ATRNL1: variants seen among roughly 807,000 people sequenced by gnomAD.
The protein encoded by ATRNL1 is attractin-like protein 1.
In ATRNL1, 95 loss-of-function variants were observed where a neutral mutation model predicts 182.7. The ratio of observed to expected loss-of-function variants is 0.52; its 90% CI spans 0.44 to 0.62. ATRNL1 has a LOEUF of 0.62. ATRNL1 is among the 20% of genes least tolerant of loss of function. The pLI is 0.00. For synonymous variants in ATRNL1, 576 were observed against 568.3 expected (o/e 1.01, Z -0.19); for missense variants, 1,471 against 1,679.5 (o/e 0.88, Z 2.17).
intron 24 of ATRNL1, among the ~76,000 whole-genome samples, chr10:115,497,757 A>T (rs1048435924): frequency 2.0e-5 from 3 of 151,902 alleles, no homozygotes; most frequent in Admixed American, 6.6e-5. Flanking sequence ...TCCCTGGCTC[A>T]AGCAATTCTC....
At chr10:115,502,457 A>G (rs1382618159) in intron 24 of ATRNL1, among the ~76,000 whole-genome samples, 2 of 152,178 alleles carry the variant, frequency 1.3e-5, no homozygotes, top group African/African-American at 4.8e-5. Context: ...ATTTTTAAAA[A>G]GAGGCAAAAA....
chr10:115,572,541 GT>G (rs1854460487), intron 26 of ATRNL1, among the ~76,000 whole-genome samples: 1 of 152,134 alleles, frequency 6.6e-6, no homozygotes, highest in African/African-American at 2.4e-5. Context: ...AGACAAAAAT[GT>G]GAGGGAAGTT....
intron 17 of ATRNL1, among the ~76,000 whole-genome samples, chr10:115,308,673 A>C (rs1269851053): frequency 6.6e-6 from 1 of 152,154 alleles, no homozygotes; most frequent in Non-Finnish European, 1.5e-5. Context: ...ACAAGTCCTT[A>C]TACTACACAT....
intron 26 of ATRNL1, among the ~76,000 whole-genome samples, chr10:115,587,460 G>T (rs1199542364): frequency 2.6e-5 from 4 of 151,854 alleles, no homozygotes; most frequent in Non-Finnish European, 5.9e-5. Context: ...ATAATCTCGT[G>T]GTGTGCCGTT....
chr10:115,582,773 G>T (rs1362052369), intron 26 of ATRNL1, among the ~76,000 whole-genome samples: 1 of 149,414 alleles, frequency 6.7e-6, no homozygotes, highest in Non-Finnish European at 1.5e-5. Flanking sequence ...GTCAATTTTG[G>T]CTTTTGTTGC....
chr10:115,479,753 A>G (rs1848681409), intron 24 of ATRNL1, among the ~76,000 whole-genome samples: 1 of 151,408 alleles, frequency 6.6e-6, no homozygotes, highest in African/African-American at 2.4e-5. Context: ...CTTGTTCTTC[A>G]TGATTTATAA....
At chr10:115,422,382 A>C (rs1845688562) in intron 20 of ATRNL1, among the ~76,000 whole-genome samples, 1 of 152,242 alleles carries the variant, frequency 6.6e-6, no homozygotes, top group Non-Finnish European at 1.5e-5. Flanking sequence ...AGCAAAGTAC[A>C]TGAACACACA....
intron 26 of ATRNL1, among the ~76,000 whole-genome samples, chr10:115,721,486 G>A (rs1360181189): frequency 1.3e-5 from 2 of 152,100 alleles, no homozygotes; most frequent in African/African-American, 4.8e-5. Context: ...AATTCCATAT[G>A]GCTGGGGAGG....
intron 26 of ATRNL1, among the ~76,000 whole-genome samples, chr10:115,585,336 A>C (rs199902614): frequency 0.34 from 31,336 of 92,638 alleles, 5,525 homozygotes; most frequent in African/African-American, 0.48. Context: ...TCTTTCTAAT[A>C]TTGACAGTGG....
Position 115,160,052 on chromosome 10 carries a change from C to T in ATRNL1, c.842C>T (p.Ser281Phe). 1.9e-6 allele frequency: 3 copies of T among 1,600,584 alleles called. No individual in the cohort carries two copies. The highest frequency in any genetic ancestry group is 1.4e-5 in the African/African-American group (1 of 73,884). The change falls in exon 6 of 29, where the codon TCT becomes TTT. Residue 281 changes from serine to phenylalanine, a missense_variant. Coordinates refer to ENST00000355044, the MANE Select transcript of ATRNL1 (RefSeq NM_207303.4). ...CNDSWQGPDC[S>F]LNVPSTESYW... ...TTTTTTTTAATAGGTCCTGATTGTTCTTTGAATGTTCCCTCTACTGAGTCT... is the reference window on the plus strand; with the variant it reads ...TTTTTTTTAATAGGTCCTGATTGTTTTTTGAATGTTCCCTCTACTGAGTCT...
rs533771884 is a variant in ATRNL1 at position 115,116,793 on chromosome 10, G to A, written c.294-3392G>A. Reference sequence around the variant, plus strand: ...TTGGCAAGGAGGAAACCTTTTTGTAGTAAGTGGAGGAAAAGGTGGGCTCTT... The same window carrying A: ...TTGGCAAGGAGGAAACCTTTTTGTAATAAGTGGAGGAAAAGGTGGGCTCTT... On this transcript the variant is annotated intron_variant, in intron 1 of 28. Coordinates refer to ENST00000355044, the MANE Select transcript of ATRNL1 (RefSeq NM_207303.4). Among the ~76,000 whole-genome samples the A allele has an allele frequency of 2.0e-5, 3 of 152,168 alleles. No individual in the cohort carries two copies. In the South Asian group the frequency reaches 6.2e-4, roughly 32 times the overall value.
At chr10:115,620,325 A>T (rs1466401885) in intron 26 of ATRNL1, among the ~76,000 whole-genome samples, 1 of 152,166 alleles carries the variant, frequency 6.6e-6, no homozygotes, top group Admixed American at 6.5e-5. Context: ...TCATGACCCA[A>T]GCACCTCTCA....
intron 19 of ATRNL1, among the ~76,000 whole-genome samples, chr10:115,359,620 T>C (rs1592516983): frequency 4.0e-5 from 6 of 151,682 alleles, no homozygotes; most frequent in Admixed American, 2.6e-4. Context: ...ATAACTCTTA[T>C]TGAGCAATAA....
At chr10:115,331,643 T>C (rs1855228394) in intron 18 of ATRNL1, among the ~76,000 whole-genome samples, 1 of 152,234 alleles carries the variant, frequency 6.6e-6, no homozygotes, top group Admixed American at 6.5e-5. Context: ...TACATGTGTC[T>C]CTGTATGTTT....
intron 19 of ATRNL1, among the ~76,000 whole-genome samples, chr10:115,366,621 C>G (rs1166139198): frequency 2.0e-5 from 3 of 149,416 alleles, no homozygotes; most frequent in Non-Finnish European, 4.5e-5. Flanking sequence ...TCTCGATGGT[C>G]TTTACATTTT....
intron 1 of ATRNL1, among the ~76,000 whole-genome samples, chr10:115,115,998 A>G (rs1554869849): frequency 1.3e-5 from 2 of 152,088 alleles, no homozygotes; most frequent in Non-Finnish European, 2.9e-5. Flanking sequence ...GACAAGGCAT[A>G]TGGATATGTG....
Position 115,094,051 on chromosome 10 carries a change from C to G in ATRNL1, c.293+8C>G. Reference sequence around the variant, plus strand: ...CTGCCAGGGCAGGTTCAAGTAAGTGCCTTCGCCGGACCCCGAACCTCCAGC... The same window carrying G: ...CTGCCAGGGCAGGTTCAAGTAAGTGGCTTCGCCGGACCCCGAACCTCCAGC... On this transcript the variant is annotated splice_region_variant and intron_variant, in intron 1 of 28. Coordinates refer to ENST00000355044, the MANE Select transcript of ATRNL1 (RefSeq NM_207303.4). 2.1e-6 allele frequency: 3 copies of G among 1,461,740 alleles called. No individual in the cohort carries two copies. The highest frequency in any genetic ancestry group is 2.7e-6 in the Non-Finnish European group (3 of 1,100,844). The allele number at this position is 1,461,740 out of a possible 1,614,324, so 90.5% of individuals were successfully genotyped here.
chr10:115,834,107 T>C (rs1950616830), intron 27 of ATRNL1, among the ~76,000 whole-genome samples: 1 of 152,170 alleles, frequency 6.6e-6, no homozygotes, highest in South Asian at 2.1e-4. Flanking sequence ...ACCGCTATGC[T>C]CTCAGGAGCC....
At chr10:115,282,962 C>A (rs1852438605) in intron 14 of ATRNL1, among the ~76,000 whole-genome samples, 1 of 151,970 alleles carries the variant, frequency 6.6e-6, no homozygotes, top group Admixed American at 6.6e-5. Context: ...CTAATGCTAT[C>A]CCTCCCCTAG....
Sources: allele counts gnomAD v4.1 joint callset (sites outside exome capture counted in the v4.1 genomes callset), GRCh38; gene constraint gnomAD v4.1.1; transcripts MANE v1.5; gene names NCBI Gene and HGNC (gene_info 2026-07-23, HGNC 2026-07-21).